SLC39A14: variants seen among roughly 807,000 people sequenced by gnomAD.
SLC39A14 encodes the protein metal cation symporter ZIP14.
SLC39A14 carries 19 observed loss-of-function variants against 45.5 expected under a neutral mutation model. The ratio of observed to expected loss-of-function variants is 0.42; its 90% CI spans 0.29 to 0.61. SLC39A14 has a LOEUF of 0.61. SLC39A14 is among the 20% of genes least tolerant of loss of function. The pLI, the probability that SLC39A14 is intolerant of heterozygous loss-of-function variation, is 0.22. For missense variants in SLC39A14, 447 were observed against 616.5 expected (o/e 0.73, Z 2.91); for synonymous variants, 264 against 251.3 (o/e 1.05, Z -0.48).
intron 1 of SLC39A14, among the ~76,000 whole-genome samples, chr8:22,376,880 G>GA (rs955630510): frequency 2.0e-5 from 3 of 148,522 alleles, no homozygotes; most frequent in African/African-American, 4.9e-5. Flanking sequence ...AATGTCTGGG[G>GA]AAAAAAAAAA....
chr8:22,383,058 C>T (rs908169775), intron 1 of SLC39A14, among the ~76,000 whole-genome samples: 1 of 152,076 alleles, frequency 6.6e-6, no homozygotes, highest in East Asian at 1.9e-4. Flanking sequence ...GATCCTTGTC[C>T]ATGCAGGTCT....
rs569587836 is a variant in SLC39A14 at position 22,408,942 on chromosome 8, T to C, written c.457+446T>C. On this transcript the variant is annotated intron_variant, in intron 3 of 8. Transcript: ENST00000381237. ...CTGAAGTGACCCTCCTGCCTCAGCCTCCTGAGTAGCTGGGACTACAGGCGT... is the reference window on the plus strand; with the variant it reads ...CTGAAGTGACCCTCCTGCCTCAGCCCCCTGAGTAGCTGGGACTACAGGCGT... 7.3e-5 allele frequency among the ~76,000 whole-genome samples: 11 copies of C among 151,594 alleles called. 1 individual carries two copies. In the East Asian group the frequency reaches 2.2e-3, roughly 30 times the overall value.
intron 1 of SLC39A14, among the ~76,000 whole-genome samples, chr8:22,383,180 AT>A (rs1173465126): frequency 6.6e-6 from 1 of 152,072 alleles, no homozygotes; most frequent in Non-Finnish European, 1.5e-5. Context: ...CCTAATAAAT[AT>A]TTGTTGACTG....
rs3052256 is a variant in SLC39A14 at position 22,404,715 on chromosome 8, AGCT to A, written c.17_19del (p.Leu6del). 1 of 1,612,524 alleles carries A rather than the reference AGCT, an allele frequency of 6.2e-7. No homozygotes were observed. The highest frequency in any genetic ancestry group is 8.5e-7 in the Non-Finnish European group (1 of 1,179,588). On this transcript the variant is annotated inframe_deletion, in exon 2 of 9. Transcript: ENST00000381237. ...TCACAGGTTTATTCAGTCACCATGA[AGCT>A]GCTGCTGCTGCACCCGGCCTTCCAG...
At chr8:22,378,294 G>A (rs1156948106) in intron 1 of SLC39A14, among the ~76,000 whole-genome samples, 2 of 152,158 alleles carry the variant, frequency 1.3e-5, no homozygotes, top group Admixed American at 6.5e-5. Flanking sequence ...AACAACACCC[G>A]TTTATCATTT....
chr8:22,434,066 T>C, exon 9 of SLC39A14: 1 of 185,658 alleles, frequency 5.4e-6, no homozygotes, highest in South Asian at 7.2e-5. Flanking sequence ...ATATTTTAGC[T>C]TTTTCACTTT....
intron 1 of SLC39A14, chr8:22,404,383 C>T (rs1488557879): frequency 4.2e-5 from 9 of 214,306 alleles, no homozygotes; most frequent in East Asian, 1.3e-4. Context: ...GCTGAGATTG[C>T]GCCACTGCAC....
intron 3 of SLC39A14, 95 bp downstream of exon 3, chr8:22,408,591 C>T: frequency 3.4e-6 from 4 of 1,165,736 alleles, no homozygotes; most frequent in Non-Finnish European, 4.8e-6. Flanking sequence ...TCACTGAATG[C>T]CTCACCAGTG....
chr8:22,382,556 T>C (rs1191236653), intron 1 of SLC39A14, among the ~76,000 whole-genome samples: 1 of 152,130 alleles, frequency 6.6e-6, no homozygotes, highest in Non-Finnish European at 1.5e-5. Flanking sequence ...CATGTGCCTG[T>C]AGTCCTAGCT....
chr8:22,423,786 T>TTCTCTC (rs58420252), downstream of SLC39A14, among the ~76,000 whole-genome samples: 4,076 of 122,222 alleles, frequency 0.033, 267 homozygotes, highest in African/African-American at 0.11. Flanking sequence ...TTTAATTGGT[T>TTCTCTC]TCTCTCTCTC....
At position 22,417,773 on chromosome 8, in the gene SLC39A14, T is replaced by C. The variant is rs770215474; in HGVS notation, c.1270T>C (p.Ser424Pro). The C allele has an allele frequency of 6.2e-7, 1 of 1,614,226 alleles. No homozygotes were observed. Among genetic ancestry groups the C allele is most frequent in the South Asian group, 1.1e-5 (1 of 91,082 alleles). The part of the protein sequence containing the change: ...AFGILAGSHF[S>P]ANWIFALAGG... ...TGGCATCCTGGCCGGCAGCCACTTCTCTGCCAACTGGATTTTTGCGCTAGC... is the reference window on the plus strand; with the variant it reads ...TGGCATCCTGGCCGGCAGCCACTTCCCTGCCAACTGGATTTTTGCGCTAGC... The change falls in exon 8 of 9, where the codon TCT becomes CCT. Residue 424 changes from serine (S) to proline (P), a missense_variant. By Grantham distance (74) the Ser-to-Pro change is moderately conservative (BLOSUM62 -1). Transcript: ENST00000381237.
At chr8:22,433,997 G>A in exon 9 of SLC39A14, 2 of 392,334 alleles carry the variant, frequency 5.1e-6, no homozygotes, top group Non-Finnish European at 1.0e-5. Flanking sequence ...AGCCTCCCGA[G>A]TAACTGAGCC....
At chr8:22,382,653 C>T (rs1299116762) in intron 1 of SLC39A14, among the ~76,000 whole-genome samples, 2 of 152,254 alleles carry the variant, frequency 1.3e-5, no homozygotes, top group African/African-American at 2.4e-5. Context: ...GCCTGTGCCA[C>T]AGAAGTGAGA....
At chr8:22,425,958 C>T (rs1836380474), downstream of SLC39A14, among the ~76,000 whole-genome samples, 1 of 145,300 alleles carries the variant, frequency 6.9e-6, no homozygotes, top group Non-Finnish European at 1.5e-5. Context: ...ATGGTGCGAT[C>T]TCGGCTCACC....
At chr8:22,416,988 C>T (rs780082315) in intron 7 of SLC39A14, among the ~76,000 whole-genome samples, 16 of 152,180 alleles carry the variant, frequency 1.1e-4, no homozygotes, top group Non-Finnish European at 2.4e-4. Flanking sequence ...CTTCCAAAGG[C>T]TCAGGTGCCT....
chr8:22,400,067 T>C (rs1834766165), intron 1 of SLC39A14, among the ~76,000 whole-genome samples: 2 of 151,896 alleles, frequency 1.3e-5, no homozygotes, highest in Admixed American at 6.5e-5. Context: ...TTGGGGCTGT[T>C]AGACATCGGG....
At chr8:22,393,160 C>A in intron 1 of SLC39A14, 1 of 982,862 alleles carries the variant, frequency 1.0e-6, no homozygotes. Flanking sequence ...CCTGGGTGCG[C>A]TTTGACTGTG....
At chr8:22,412,659 A>G (rs1835644289) in intron 4 of SLC39A14, among the ~76,000 whole-genome samples, 1 of 152,146 alleles carries the variant, frequency 6.6e-6, no homozygotes, top group South Asian at 2.1e-4. Context: ...AAAAAACATC[A>G]TCAGCCGGGT....
chr8:22,422,798 C>A, downstream of SLC39A14: 2 of 716,520 alleles, frequency 2.8e-6, no homozygotes, highest in South Asian at 6.3e-5. Flanking sequence ...TCTGGTTTAA[C>A]ATTTGACTGG....
Sources: gnomAD v4.1 joint callset for allele counts (sites outside exome capture counted in the v4.1 genomes callset) on GRCh38, gnomAD v4.1.1 for gene constraint, MANE v1.5 for transcripts, NCBI Gene and HGNC (gene_info 2026-07-23, HGNC 2026-07-21) for gene names.